Variants in RPS6KA1 observed in about 807,000 individuals in gnomAD.
RPS6KA1 encodes ribosomal protein S6 kinase A1.
Under a neutral mutation model 91.3 loss-of-function variants are expected in RPS6KA1, and 48 were observed. The observed-to-expected ratio is 0.53, with a 90% CI of 0.42 to 0.67. The LOEUF (loss-of-function observed/expected upper bound fraction) is 0.67. Among genes scored for constraint, RPS6KA1 ranks in the 30% least tolerant of loss-of-function variants. RPS6KA1 has a pLI of 0.00. For missense variants in RPS6KA1, 719 were observed against 960.5 expected (o/e 0.75, Z 3.32); for synonymous variants, 359 against 384.7 (o/e 0.93, Z 0.78).
In RPS6KA1 at chr1:26,547,174, G is replaced by T. The variant is rs1268875481; in HGVS notation, c.226-15G>T. Reference sequence around the variant, plus strand: ...TCTCCCATCTTCTGCCCTGCTTCCTGCTCTGCCTTCTCAGGTCTTCCTGGT... The same window carrying T: ...TCTCCCATCTTCTGCCCTGCTTCCTTCTCTGCCTTCTCAGGTCTTCCTGGT... On this transcript the variant is annotated splice_polypyrimidine_tract_variant and intron_variant, in intron 3 of 21. Transcript: ENST00000374168. This position sits in a 1 kb window ranked among gnomAD's most constrained non-coding sequence, Gnocchi z 4.1. The T allele has an allele frequency of 1.9e-6, 3 of 1,613,798 alleles. No individual in the cohort carries two copies. In the South Asian group the frequency reaches 3.3e-5, roughly 18 times the overall value.
chr1:26,533,870 C>T (rs1351835089), intron 1 of RPS6KA1, among the ~76,000 whole-genome samples: 5 of 152,114 alleles, frequency 3.3e-5, no homozygotes, highest in Non-Finnish European at 5.9e-5. Flanking sequence ...ACCCCGGACC[C>T]AGGACCCAGG....
rs753524348 is a variant in RPS6KA1 at position 26,554,536 on chromosome 1, A to C, written c.614-60A>C. Reference sequence around the variant, plus strand: ...CTGGGCACGGGGGTTGGGTGTGCAAAGGGTGGCAGCAAGGAAGGCAGGGGT... The same window carrying C: ...CTGGGCACGGGGGTTGGGTGTGCAACGGGTGGCAGCAAGGAAGGCAGGGGT... On this transcript the variant is annotated intron_variant, in intron 8 of 21. Transcript: ENST00000374168. The surrounding 1 kb of genome is among the most constrained non-coding windows in gnomAD (Gnocchi z 4.6). 6.4e-7 allele frequency: 1 copy of C among 1,557,532 alleles called. No homozygotes were observed. The highest frequency in any genetic ancestry group is 1.8e-5 in the Admixed American group (1 of 54,336).
intron 11 of RPS6KA1, 80 bp from the exon 12 acceptor site, chr1:26,556,574 C>A: frequency 1.4e-6 from 2 of 1,474,190 alleles, no homozygotes; most frequent in Non-Finnish European, 1.9e-6. Context: ...TCCCAGAGCC[C>A]TGTGAGGCTG....
chr1:26,558,294 G>A lies in RPS6KA1; in HGVS notation c.1085-513G>A, dbSNP rs182552609. On this transcript the variant is annotated intron_variant, in intron 13 of 21. Transcript: ENST00000374168. The surrounding 1 kb of genome is among the most constrained non-coding windows in gnomAD (Gnocchi z 4.0). ...GTTAAAGGGAACAGTGTGTGCAAGG[G>A]CTCAGAGACCCCTCTAAGGATCTGA... Among the ~76,000 whole-genome samples the A allele has an allele frequency of 3.2e-4, 48 of 152,296 alleles. No individual in the cohort carries two copies. The East Asian group carries it at 4.1e-3, about 13-fold the overall frequency.
intron 17 of RPS6KA1, among the ~76,000 whole-genome samples, chr1:26,566,623 TGAAGTTGAG>T (rs539962825): frequency 1.3e-3 from 204 of 152,284 alleles, no homozygotes; most frequent in African/African-American, 4.7e-3. Flanking sequence ...TGATGTTTAA[TGAAGTTGAG>T]GACCTCTTCA....
chr1:26,544,215 G>A lies in RPS6KA1; in HGVS notation c.109-2652G>A, dbSNP rs150878362. The A allele has an allele frequency of 3.7e-4, 169 of 456,188 alleles. No homozygotes were observed. In the East Asian group the frequency reaches 9.5e-3, roughly 26 times the overall value. 28.3% of individuals were successfully genotyped at this position (456,188 alleles called of 1,614,324 possible). A position where few individuals can be genotyped will look rare whatever the true frequency, so the allele number is the denominator to read the frequency against. The stretch of plus-strand genomic sequence containing the variant: ...CTGCTTGGGGCTCGCTGACTCTCCC[G>A]CTGTCTCTCTTTGCTGCCTACCTCT... On this transcript the variant is annotated intron_variant, in intron 2 of 21. Transcript: ENST00000374168.
chr1:26,539,077 C>T (rs1422141628), intron 2 of RPS6KA1, among the ~76,000 whole-genome samples: 2 of 152,206 alleles, frequency 1.3e-5, no homozygotes, highest in African/African-American at 2.4e-5. Flanking sequence ...ATGTGGTAGG[C>T]GCTATGATGG....
chr1:26,572,776 G>A (rs944161571), intron 20 of RPS6KA1, among the ~76,000 whole-genome samples: 6 of 152,208 alleles, frequency 3.9e-5, no homozygotes, highest in African/African-American at 1.4e-4. Context: ...ATGCCAGACA[G>A]AGTTGAACCC....
Position 26,557,009 on chromosome 1 carries a change from T to C in RPS6KA1, c.993T>C (p.Arg331=), listed in dbSNP as rs749911377. Residue 331 remains arginine, a synonymous_variant, in exon 13 of 22, where the codon CGT becomes CGC. Transcript: ENST00000374168. ...YSTIDWNKLY[R]REIKPPFKPA... ...ACCCCACTGTGCAGAAGCTATACCG[T>C]CGTGAGATCAAGCCACCCTTCAAGC... 1 of 1,613,916 alleles carries C rather than the reference T, an allele frequency of 6.2e-7. No homozygotes were observed. The highest frequency in any genetic ancestry group is 8.5e-7 in the Non-Finnish European group (1 of 1,179,818).
In RPS6KA1 at chr1:26,553,304, TCAGGAC is replaced by T. The variant is rs1186931157; in HGVS notation, c.469-81_469-76del. On this transcript the variant is annotated intron_variant, in intron 6 of 21. Transcript: ENST00000374168. ...CCAAGGGTCCTCCCAGGGTGGCTCT[TCAGGAC>T]CAGGAAGCTGCTGACTGCCCAGTGC... The T allele has an allele frequency of 1.5e-5, 13 of 891,386 alleles. No homozygotes were observed. The East Asian group carries it at 3.0e-4, about 21-fold the overall frequency. The allele number at this position is 891,386 out of a possible 1,614,324, so 55.2% of individuals were successfully genotyped here. A position where few individuals can be genotyped will look rare whatever the true frequency, so the allele number is the denominator to read the frequency against.
At chr1:26,566,111 T>G (rs965505792) in intron 17 of RPS6KA1, among the ~76,000 whole-genome samples, 29 of 152,210 alleles carry the variant, frequency 1.9e-4, no homozygotes, top group African/African-American at 6.7e-4. Context: ...GTCAGAGTGT[T>G]TGTGTGTTCG....
intron 11 of RPS6KA1, 127 bp from the exon 12 acceptor site, chr1:26,556,527 T>C: frequency 2.2e-6 from 2 of 916,512 alleles, no homozygotes; most frequent in Non-Finnish European, 3.5e-6. Context: ...GATTTGAGGC[T>C]GAGTGAGCCC....
rs756931289 is a variant in RPS6KA1 at position 26,574,125 on chromosome 1, C to A, written c.2132C>A (p.Thr711Asn). The A allele has an allele frequency of 1.9e-6, 3 of 1,613,762 alleles. No homozygotes were observed. Among genetic ancestry groups the A allele is most frequent in the South Asian group, 2.2e-5 (2 of 91,080 alleles). ...TYSALNSSKP[T>N]PQLKPIESSI... Reference sequence around the variant, plus strand: ...TCCGCACTCAACAGCTCCAAGCCCACCCCCCAGCTGAAGCCCATCGAGTCA... The same window carrying A: ...TCCGCACTCAACAGCTCCAAGCCCAACCCCCAGCTGAAGCCCATCGAGTCA... Residue 711 changes from threonine (T) to asparagine (N), a missense_variant, in exon 22 of 22, where the codon ACC becomes AAC. Around this residue, in one of 5 missense-constraint regions of RPS6KA1, gnomAD observed 249 missense variants for 323.1 expected, o/e 0.77. Coordinates refer to ENST00000374168, the MANE Select transcript of RPS6KA1 (RefSeq NM_002953.4). This position sits in a 1 kb window ranked among gnomAD's most constrained non-coding sequence, Gnocchi z 4.3.
chr1:26,562,823 T>TC lies in RPS6KA1; in HGVS notation c.1590+1162dup, dbSNP rs201594561. On this transcript the variant is annotated intron_variant, in intron 17 of 21. Coordinates refer to ENST00000374168, the MANE Select transcript of RPS6KA1 (RefSeq NM_002953.4). ...CCATAGACACATTTTTCTCCTATTGTCCTTTTTTTTTTTTTTTTTTTTTTT... is the reference window on the plus strand; with the variant it reads ...CCATAGACACATTTTTCTCCTATTGTCCCTTTTTTTTTTTTTTTTTTTTTTT... Among the ~76,000 whole-genome samples the TC allele has an allele frequency of 4.9e-3, 684 of 139,728 alleles. 24 individuals carry two copies. Among genetic ancestry groups the TC allele is most frequent in the South Asian group, 7.3e-3 (32 of 4,378 alleles). The allele number at this position is 139,728 out of a possible 152,430, so 91.7% of individuals were successfully genotyped here.
In RPS6KA1 at chr1:26,554,234, G is replaced by A; in HGVS notation, c.596G>A (p.Gly199Asp). The A allele has an allele frequency of 1.3e-6, 2 of 1,556,780 alleles. No individual in the cohort carries two copies. Among genetic ancestry groups the A allele is most frequent in the Admixed American group, 1.9e-5 (1 of 51,410 alleles). ...KPENILLDEE[G>D]HIKLTDFGLS... The stretch of plus-strand genomic sequence containing the variant: ...TACAGCATCCTTCTGGATGAGGAGG[G>A]CCACATCAAACTCACTGGTGAGTGG... Residue 199 changes from glycine (G) to aspartate (D), a missense_variant, in exon 8 of 22, where the codon GGC (glycine) becomes GAC (aspartate). This residue lies in a region of RPS6KA1 where 159 missense variants were observed against 264.5 expected (regional missense o/e 0.60). Transcript: ENST00000374168. This position sits in a 1 kb window ranked among gnomAD's most constrained non-coding sequence, Gnocchi z 4.6.
At chr1:26,567,803 AT>A (rs1443565838) in intron 17 of RPS6KA1, among the ~76,000 whole-genome samples, 1 of 152,164 alleles carries the variant, frequency 6.6e-6, no homozygotes. Context: ...TTTGCTAAAT[AT>A]TCCTGTCCTT....
chr1:26,559,126 G>A (rs1041689743), intron 14 of RPS6KA1, among the ~76,000 whole-genome samples, 189 bp downstream of exon 14: 4 of 152,188 alleles, frequency 2.6e-5, no homozygotes, highest in African/African-American at 9.7e-5. Context: ...GATGATATGG[G>A]TGTACATTTC....
At chr1:26,545,736 G>A (rs936978186) in intron 2 of RPS6KA1, 1 of 962,710 alleles carries the variant, frequency 1.0e-6, no homozygotes, top group East Asian at 3.3e-5. Context: ...ACGTGGTGAG[G>A]GTGTAGGCCT....
At chr1:26,573,512 G>A in intron 21 of RPS6KA1, 151 bp downstream of exon 21, 1 of 899,796 alleles carries the variant, frequency 1.1e-6, no homozygotes, top group African/African-American at 1.6e-5. Context: ...CCGTCAGGGA[G>A]CCTAACATGC....
Sources: gnomAD v4.1 joint callset for allele counts (sites outside exome capture counted in the v4.1 genomes callset) on GRCh38, gnomAD v4.1.1 for gene constraint, gnomAD v4.1.1 regional missense constraint, Gnocchi (gnomAD v3.1) non-coding constraint, MANE v1.5 for transcripts, NCBI Gene and HGNC (gene_info 2026-07-23, HGNC 2026-07-21) for gene names.